The following DMXL2 variants were observed in gnomAD, a reference collection of about 807,000 sequenced individuals.
DMXL2 encodes the protein Dmx like 2.
A neutral mutation model predicts 331.1 loss-of-function variants in DMXL2; 103 were observed. That is an observed-to-expected ratio of 0.31 (90% CI 0.27 to 0.37). The LOEUF (loss-of-function observed/expected upper bound fraction) is 0.37, where lower values mean the gene tolerates loss of function less well. Ranked by LOEUF, DMXL2 falls within the 10% of genes least tolerant of loss-of-function variation. The probability of loss-of-function intolerance (pLI) is 1.00; values close to 1 mark genes in which losing one functional copy is unlikely to be tolerated. For missense variants in DMXL2, 3,171 were observed against 3,642.9 expected (o/e 0.87, Z 3.33); for synonymous variants, 1,281 against 1,252.1 (o/e 1.02, Z -0.49).
chr15:51,470,735 T>TG (rs2041026054), intron 29 of DMXL2, among the ~76,000 whole-genome samples: 3 of 152,112 alleles, frequency 2.0e-5, no homozygotes, highest in Non-Finnish European at 4.4e-5. Flanking sequence ...TGGTATGAAA[T>TG]GGGGCTATAC....
chr15:51,480,462 A>G, intron 24 of DMXL2, 80 bp downstream of exon 24: 11 of 1,431,762 alleles, frequency 7.7e-6, no homozygotes, highest in Non-Finnish European at 9.2e-6. Flanking sequence ...AAAAGTAGTA[A>G]AAGAGCTTTA....
At chr15:51,506,122 G>C (rs975214776) in intron 16 of DMXL2, among the ~76,000 whole-genome samples, 3 of 152,200 alleles carry the variant, frequency 2.0e-5, no homozygotes, top group Non-Finnish European at 2.9e-5. Context: ...ACTTAGGCTG[G>C]AGTGCGGTGG....
At chr15:51,483,297 C>CA (rs1340002686) in intron 23 of DMXL2, among the ~76,000 whole-genome samples, 5 of 152,198 alleles carry the variant, frequency 3.3e-5, no homozygotes, top group Non-Finnish European at 7.4e-5. Context: ...CTGGCATGCG[C>CA]ACTGCTCTGG....
intron 1 of DMXL2, among the ~76,000 whole-genome samples, chr15:51,589,689 T>C (rs577873157): frequency 1.1e-4 from 17 of 152,328 alleles, no homozygotes; most frequent in African/African-American, 4.1e-4. Flanking sequence ...GATAGCTAAA[T>C]GTACTTTTTT....
intron 1 of DMXL2, among the ~76,000 whole-genome samples, chr15:51,612,897 G>A (rs150960753): frequency 6.6e-6 from 1 of 152,258 alleles, no homozygotes; most frequent in African/African-American, 2.4e-5. Flanking sequence ...CAGCCCCAAA[G>A]CAGCCATTTT....
chr15:51,488,475 A>G, intron 21 of DMXL2, 73 bp downstream of exon 21: 1 of 1,327,938 alleles, frequency 7.5e-7, no homozygotes, highest in Non-Finnish European at 1.1e-6. Flanking sequence ...AATTATTTTC[A>G]AAAGCATTAG....
At chr15:51,469,535 A>T (rs2040902310) in intron 29 of DMXL2, among the ~76,000 whole-genome samples, 1 of 152,226 alleles carries the variant, frequency 6.6e-6, no homozygotes, top group Non-Finnish European at 1.5e-5. Context: ...GATTAATAGT[A>T]AATTGGCCAC....
At chr15:51,453,775 AAAG>A in intron 40 of DMXL2, 134 bp from the exon 41 acceptor site, 1 of 672,018 alleles carries the variant, frequency 1.5e-6, no homozygotes, top group Non-Finnish European at 2.5e-6. Flanking sequence ...GTCTAGGATA[AAAG>A]AATAAGTGAT....
At chr15:51,462,082 T>TA (rs1377567948) in intron 33 of DMXL2, among the ~76,000 whole-genome samples, 1 of 152,196 alleles carries the variant, frequency 6.6e-6, no homozygotes, top group Non-Finnish European at 1.5e-5. Flanking sequence ...CTTCCTCATT[T>TA]AAGTATATAA....
At chr15:51,570,376 A>G (rs1449233051) in intron 2 of DMXL2, among the ~76,000 whole-genome samples, 1 of 152,194 alleles carries the variant, frequency 6.6e-6, no homozygotes, top group Admixed American at 6.5e-5. Flanking sequence ...TCTTCAGGAT[A>G]TTATCCAGGA....
rs554658456 is a variant in DMXL2, at chr15:51,592,656, G to A, written c.88-16475C>T. Among the ~76,000 whole-genome samples, 8 of 152,276 alleles carry A rather than the reference G, an allele frequency of 5.3e-5. No individual in the cohort carries two copies. The East Asian group carries it at 5.8e-4, about 11-fold the overall frequency. ...TGAAATGAAGGAAAAAATGTTAAGC[G>A]CAGCCAGAGAGAAAGGTCCACCCAC... On this transcript the variant is annotated intron_variant, in intron 1 of 43. Transcript: ENST00000560891.
chr15:51,486,125 T>G lies in DMXL2; in HGVS notation c.5430A>C (p.Arg1810=), dbSNP rs1284044596. 1.2e-6 allele frequency: 2 copies of G among 1,614,002 alleles called. No individual in the cohort carries two copies. Residue 1810 remains arginine, a synonymous_variant, in exon 23 of 44, where the codon CGA becomes CGC. Transcript: ENST00000560891. ...LAYWVMKDYT[R]ALDTLLEQTP... is the part of the protein sequence containing the mutation. ...TTTGTTCCAGTAATGTGTCCAAGGCTCGGGTGTAATCTTTCATTACCCAAT... is the reference window on the plus strand; with the variant it reads ...TTTGTTCCAGTAATGTGTCCAAGGCGCGGGTGTAATCTTTCATTACCCAAT...
chr15:51,611,677 C>T (rs2899476), intron 1 of DMXL2, among the ~76,000 whole-genome samples: 72,398 of 151,656 alleles, frequency 0.48, 17,602 homozygotes, highest in Non-Finnish European at 0.52. Context: ...AATCATTTAA[C>T]TTCTCAAAAG....
chr15:51,571,860 C>T (rs542558516), intron 2 of DMXL2, among the ~76,000 whole-genome samples: 1 of 152,204 alleles, frequency 6.6e-6, no homozygotes, highest in African/African-American at 2.4e-5. Context: ...GACACCCTAA[C>T]ATCACAATTA....
intron 2 of DMXL2, among the ~76,000 whole-genome samples, chr15:51,570,990 C>A (rs546587352): frequency 6.6e-6 from 1 of 152,080 alleles, no homozygotes; most frequent in African/African-American, 2.4e-5. Context: ...CACAGACTGG[C>A]AAACTGGATA....
chr15:51,565,024 A>G, intron 4 of DMXL2, 64 bp downstream of exon 4: 2 of 957,268 alleles, frequency 2.1e-6, no homozygotes, highest in South Asian at 4.5e-5. Flanking sequence ...ACTATATCAC[A>G]TTATTATCAT....
chr15:51,461,242 A>G (rs1354661590), intron 33 of DMXL2, among the ~76,000 whole-genome samples: 2 of 152,152 alleles, frequency 1.3e-5, no homozygotes, highest in Non-Finnish European at 2.9e-5. Context: ...AAAATAGAAC[A>G]CACAGAGACT....
At chr15:51,570,287 A>G (rs1012585025) in intron 2 of DMXL2, among the ~76,000 whole-genome samples, 3 of 152,180 alleles carry the variant, frequency 2.0e-5, no homozygotes, top group Admixed American at 2.0e-4. Flanking sequence ...GAAATATGGG[A>G]CTATGTGAAA....
Position 51,486,195 on chromosome 15 carries a change from C to A in DMXL2, c.5360G>T (p.Ser1787Ile), listed in dbSNP as rs938492431. 11 of 1,613,970 alleles carry A rather than the reference C, an allele frequency of 6.8e-6. No individual in the cohort carries two copies. In the Admixed American group the frequency reaches 8.3e-5, roughly 12 times the overall value. Residue 1787 changes from serine to isoleucine, a missense_variant, in exon 23 of 44, where the codon AGT (serine) becomes ATT (isoleucine). Ser to Ile is a moderately radical substitution (Grantham distance 142). This residue lies in a region of DMXL2 where 252 missense variants were observed against 387.4 expected (regional missense o/e 0.65). Transcript: ENST00000560891. ...LGCQKDGSGFSCKRLHPDPFL... is the reference protein window; with the variant it reads ...LGCQKDGSGFICKRLHPDPFL... ...AGGATCAGGATGTAATCTTTTGCAACTGAATCCTGAGCCATCCTTTTGGCA... is the reference window on the plus strand; with the variant it reads ...AGGATCAGGATGTAATCTTTTGCAAATGAATCCTGAGCCATCCTTTTGGCA...
Sources: allele counts gnomAD v4.1 joint callset (sites outside exome capture counted in the v4.1 genomes callset), GRCh38; gene constraint gnomAD v4.1.1; regional missense constraint gnomAD v4.1.1; transcripts MANE v1.5; gene names NCBI Gene and HGNC (gene_info 2026-07-23, HGNC 2026-07-21).